Variants in ZNF235 observed in about 807,000 individuals in gnomAD.
ZNF235 encodes the protein zinc finger protein 235, also known as zfp-93.
In ZNF235, 25 loss-of-function variants were observed where a neutral mutation model predicts 29.4. The observed-to-expected ratio is 0.85, with a 90% CI of 0.62 to 1.19. The LOEUF is 1.19. ZNF235 is among the 50% of genes most tolerant of loss of function. ZNF235 has a pLI of 0.00. For missense variants in ZNF235, 788 were observed against 885.0 expected, an observed-to-expected ratio of 0.89 and a Z score of 1.39; for synonymous variants, 300 against 295.3, an observed-to-expected ratio of 1.02 and a Z score of -0.16.
intron 2 of ZNF235, among the ~76,000 whole-genome samples, chr19:44,300,503 T>C (rs766828818): frequency 4.6e-5 from 7 of 152,122 alleles, no homozygotes; most frequent in African/African-American, 9.7e-5. Flanking sequence ...CAAGAAAACA[T>C]ATTTTTACAT....
intron 2 of ZNF235, among the ~76,000 whole-genome samples, chr19:44,301,120 G>T (rs1975731053): frequency 6.6e-6 from 1 of 151,808 alleles, no homozygotes; most frequent in Non-Finnish European, 1.5e-5. Context: ...ATCCTACTGG[G>T]ATTTTTCATG....
At chr19:44,298,024 T>G (rs1975678185) in intron 4 of ZNF235, among the ~76,000 whole-genome samples, 1 of 151,778 alleles carries the variant, frequency 6.6e-6, no homozygotes, top group Non-Finnish European at 1.5e-5. Flanking sequence ...AAGGCTGAGG[T>G]GGGAGGATTG....
At chr19:44,303,538 C>A (rs1265698200) in intron 1 of ZNF235, 86 bp from the exon 2 acceptor site, 12 of 1,228,518 alleles carry the variant, frequency 9.8e-6, no homozygotes, top group Non-Finnish European at 1.2e-5. Context: ...GAGAAAGGTC[C>A]CCCTGTCTCT....
rs766162975 is a variant in ZNF235, at chr19:44,288,646, G to A, written c.789C>T (p.Tyr263=). The A allele has an allele frequency of 2.5e-6, 4 of 1,613,968 alleles. No individual in the cohort carries two copies. In the Admixed American group the frequency reaches 5.0e-5, roughly 20 times the overall value. The change falls in exon 5 of 5, where the codon TAC becomes TAT. Residue 263 remains tyrosine, a synonymous_variant. Transcript: ENST00000291182. ...AGGCTTCTTCACATTCATTACCCTG[G>A]TAGGTTTTCTGTCCTGTGTGAATAC... The part of the protein sequence containing the change: ...QRSIHTGQKT[Y]QGNECEEAFN...
intron 3 of ZNF235, among the ~76,000 whole-genome samples, chr19:44,299,383 A>G (rs1018450141): frequency 2.6e-5 from 4 of 152,208 alleles, no homozygotes; most frequent in African/African-American, 9.6e-5. Context: ...CTGTCTTGGA[A>G]CAAAGGTCAG....
Position 44,298,830 on chromosome 19 carries a change from T to A in ZNF235, c.216A>T (p.Gln72His), listed in dbSNP as rs1230710682. Residue 72 changes from glutamine to histidine, a missense_variant, in exon 4 of 5, where the codon CAA (glutamine) becomes CAT (histidine). Gln to His is a conservative substitution (Grantham distance 24, BLOSUM62 0). Transcript: ENST00000291182. ...REEKLWMKEL[Q>H]TQRGKHSGDR... ...CACCTGAATGCTTACCTCTTTGGGT[T>A]TGAAGCTCCTTCATCCAAAGCTTTT... is the stretch of plus-strand genomic sequence containing the variant. The A allele has an allele frequency of 3.1e-6, 5 of 1,613,878 alleles. No homozygotes were observed. Among genetic ancestry groups the A allele is most frequent in the Non-Finnish European group, 4.2e-6 (5 of 1,179,844 alleles).
At position 44,288,273 on chromosome 19, in the gene ZNF235, T is replaced by C; in HGVS notation, c.1162A>G (p.Thr388Ala). The change falls in exon 5 of 5, where the codon ACA becomes GCA. Residue 388 changes from threonine (T) to alanine (A), a missense_variant. By Grantham distance (58) the Thr-to-Ala change is moderately conservative. Transcript: ENST00000291182. ...DSCGKGFSRS[T>A]DLNIHCRVHT... ...ACTCTGCAATGAATGTTAAGATCTGTGCTACGACTGAAGCCCTTCCCACAA... is the reference window on the plus strand; with the variant it reads ...ACTCTGCAATGAATGTTAAGATCTGCGCTACGACTGAAGCCCTTCCCACAA... The C allele has an allele frequency of 3.1e-6, 5 of 1,613,846 alleles. No homozygotes were observed. The highest frequency in any genetic ancestry group is 3.4e-6 in the Non-Finnish European group (4 of 1,179,898).
chr19:44,296,111 CAT>C (rs747437909), intron 4 of ZNF235, among the ~76,000 whole-genome samples: 11 of 152,210 alleles, frequency 7.2e-5, no homozygotes, highest in Non-Finnish European at 1.3e-4. Context: ...TAAATAAATA[CAT>C]ATGAGCCCAT....
rs376353848 is a variant in ZNF235, at chr19:44,302,913, C to CATATATATTT, written c.15+476_15+477insAAATATATAT. Among the ~76,000 whole-genome samples the CATATATATTT allele has an allele frequency of 3.7e-3, 479 of 130,388 alleles. 3 individuals carry two copies. The highest frequency in any genetic ancestry group is 0.013 in the African/African-American group (451 of 34,600). 85.5% of individuals were successfully genotyped at this position (130,388 alleles called of 152,430 possible). Reference sequence around the variant, plus strand: ...ATACATATTTGTATATAAATATATACGTATATATTTGTATGTATTTATATA... The same window carrying CATATATATTT: ...ATACATATTTGTATATAAATATATACATATATATTTGTATATATTTGTATGTATTTATATA... On this transcript the variant is annotated intron_variant, in intron 2 of 4. Transcript: ENST00000291182.
At chr19:44,301,976 T>C (rs1288182010) in intron 2 of ZNF235, among the ~76,000 whole-genome samples, 3 of 152,242 alleles carry the variant, frequency 2.0e-5, no homozygotes, top group African/African-American at 7.2e-5. Context: ...AAACTAAGTA[T>C]GTGCATCTTT....
In ZNF235 at chr19:44,287,663, C is replaced by T. The variant is rs1339578112; in HGVS notation, c.1772G>A (p.Ser591Asn). The stretch of plus-strand genomic sequence containing the variant: ...GAATGGTTTTTCCCCAGTGTGGACG[C>T]TCTGATGGGCTTGAAGATTTGAAGC... ...SQASNLQAHQ[S>N]VHTGEKPFKC... The change falls in exon 5 of 5, where the codon AGC (serine) becomes AAC (asparagine). Residue 591 changes from serine to asparagine, a missense_variant. Ser to Asn is a conservative substitution (Grantham distance 46). Transcript: ENST00000291182. 6.2e-7 allele frequency: 1 copy of T among 1,613,690 alleles called. No homozygotes were observed. Among genetic ancestry groups the T allele is most frequent in the Non-Finnish European group, 8.5e-7 (1 of 1,179,830 alleles).
chr19:44,302,730 G>A (rs1264200991), intron 2 of ZNF235, among the ~76,000 whole-genome samples: 1 of 147,274 alleles, frequency 6.8e-6, no homozygotes, highest in Non-Finnish European at 1.5e-5. Context: ...AACAGGGTGA[G>A]ACTCTGTCTC....
chr19:44,297,989 C>T (rs972076787), intron 4 of ZNF235, among the ~76,000 whole-genome samples: 1 of 151,892 alleles, frequency 6.6e-6, no homozygotes, highest in Non-Finnish European at 1.5e-5. Flanking sequence ...TGTGGTGGTG[C>T]ACACCTGTAG....
At chr19:44,304,849 C>A in intron 1 of ZNF235, 122 bp downstream of exon 1, 1 of 985,502 alleles carries the variant, frequency 1.0e-6, no homozygotes, top group Non-Finnish European at 1.2e-6. Flanking sequence ...CGCAGCCTCC[C>A]AACCCCGCCC....
chr19:44,288,586 C>G lies in ZNF235; in HGVS notation c.849G>C (p.Gln283His), dbSNP rs151308912. 1.7e-4 allele frequency: 279 copies of G among 1,614,130 alleles called. 2 individuals are homozygous for G. The African/African-American group carries it at 3.2e-3, about 19-fold the overall frequency. The change falls in exon 5 of 5, where the codon CAG becomes CAC. Residue 283 changes from glutamine to histidine, a missense_variant. Coordinates refer to ENST00000291182, the MANE Select transcript of ZNF235 (RefSeq NM_004234.4). Reference sequence around the variant, plus strand: ...CTGGAGACTTCTTTCCCAAGTGTACCTGTTTATGAAGTTCAAGACTGGAGC... The same window carrying G: ...CTGGAGACTTCTTTCCCAAGTGTACGTGTTTATGAAGTTCAAGACTGGAGC... ...NDSSSLELHK[Q>H]VHLGKKSPAC...
At chr19:44,297,192 T>C in intron 4 of ZNF235, 1 of 187,272 alleles carries the variant, frequency 5.3e-6, no homozygotes, top group Non-Finnish European at 1.1e-5. Flanking sequence ...GGCCATGCTA[T>C]AATTCTGCCC....
At chr19:44,293,225 T>C (rs1975608457) in intron 4 of ZNF235, among the ~76,000 whole-genome samples, 1 of 151,810 alleles carries the variant, frequency 6.6e-6, no homozygotes, top group Non-Finnish European at 1.5e-5. Flanking sequence ...AGACTGAAGG[T>C]AAAGCGGTAG....
chr19:44,302,767 C>CATATAT (rs56300217), intron 2 of ZNF235, among the ~76,000 whole-genome samples: 20 of 140,792 alleles, frequency 1.4e-4, no homozygotes, highest in African/African-American at 2.1e-4. Context: ...TTTATATTTA[C>CATATAT]ATATATATAT....
At chr19:44,304,433 T>G (rs914147688) in intron 1 of ZNF235, among the ~76,000 whole-genome samples, 1 of 152,060 alleles carries the variant, frequency 6.6e-6, no homozygotes, top group East Asian at 1.9e-4. Flanking sequence ...AGTCCAAGAA[T>G]CCAGGAACGG....
Sources: gnomAD v4.1 joint callset for allele counts (sites outside exome capture counted in the v4.1 genomes callset) on GRCh38, gnomAD v4.1.1 for gene constraint, MANE v1.5 for transcripts, NCBI Gene and HGNC (gene_info 2026-07-23, HGNC 2026-07-21) for gene names.